PIP5K1B: variants seen among roughly 807,000 people sequenced by gnomAD.
PIP5K1B encodes the protein phosphatidylinositol-4-phosphate 5-kinase type 1 beta, also known as phosphatidylinositol 4-phosphate 5-kinase type-1 beta.
A neutral mutation model predicts 67.0 loss-of-function variants in PIP5K1B; 42 were observed. That is an observed-to-expected ratio of 0.63 (90% CI 0.49 to 0.81). The LOEUF is 0.81. Ranked by LOEUF, PIP5K1B falls within the 30% of genes least tolerant of loss-of-function variation. The pLI is 0.00. For synonymous variants in PIP5K1B, 214 were observed against 231.4 expected (o/e 0.92, Z 0.68); for missense variants, 459 against 646.3 (o/e 0.71, Z 3.14).
intron 1 of PIP5K1B, among the ~76,000 whole-genome samples, chr9:68,716,860 T>C (rs920780863): frequency 1.1e-4 from 17 of 152,168 alleles, no homozygotes; most frequent in African/African-American, 3.4e-4. Flanking sequence ...CAATGATGGA[T>C]TGGATGAAGA....
intron 2 of PIP5K1B, among the ~76,000 whole-genome samples, chr9:68,750,110 C>A (rs914806227): frequency 6.6e-6 from 1 of 152,228 alleles, no homozygotes; most frequent in East Asian, 1.9e-4. Flanking sequence ...GTATTTAATG[C>A]AGGAAAATGG....
In PIP5K1B at chr9:68,828,866, C is replaced by G. The variant is rs190250180; in HGVS notation, c.69+6183C>G. Among the ~76,000 whole-genome samples the G allele has an allele frequency of 7.8e-4, 118 of 152,214 alleles. 1 individual carries two copies. The highest frequency in any genetic ancestry group is 1.6e-3 in the Non-Finnish European group (106 of 68,014). ...CCTGTAATCCCAGCACTTCGGGAGGCCGAGATGGGTGGATCACCTGAGGTC... is the reference window on the plus strand; with the variant it reads ...CCTGTAATCCCAGCACTTCGGGAGGGCGAGATGGGTGGATCACCTGAGGTC... On this transcript the variant is annotated intron_variant, in intron 4 of 15. Transcript: ENST00000265382.
intron 11 of PIP5K1B, among the ~76,000 whole-genome samples, chr9:68,922,562 A>C (rs1826460317): frequency 6.6e-6 from 1 of 152,214 alleles, no homozygotes. Flanking sequence ...GCTTGGATAC[A>C]TGATTTGGAT....
intron 2 of PIP5K1B, among the ~76,000 whole-genome samples, chr9:68,807,125 G>T (rs1488040915): frequency 6.6e-6 from 1 of 152,082 alleles, no homozygotes; most frequent in Non-Finnish European, 1.5e-5. Flanking sequence ...TCTTTTGTGT[G>T]CCTTGAGAAC....
chr9:68,837,525 C>A (rs1834677638), intron 4 of PIP5K1B, among the ~76,000 whole-genome samples: 1 of 151,274 alleles, frequency 6.6e-6, no homozygotes, highest in Non-Finnish European at 1.5e-5. Context: ...GATTTGTAAG[C>A]ACTAATATAT....
At chr9:68,982,948 T>C (rs1467896882) in intron 14 of PIP5K1B, among the ~76,000 whole-genome samples, 1 of 152,170 alleles carries the variant, frequency 6.6e-6, no homozygotes, top group East Asian at 1.9e-4. Flanking sequence ...CTGCATACAG[T>C]TTATAGGTTC....
intron 4 of PIP5K1B, among the ~76,000 whole-genome samples, chr9:68,861,245 T>C (rs1015844418): frequency 2.9e-4 from 44 of 151,668 alleles, no homozygotes; most frequent in African/African-American, 9.4e-4. Context: ...AAAATCTTAC[T>C]CCTCAGGGAC....
chr9:68,915,255 A>C (rs1195280164), intron 8 of PIP5K1B, among the ~76,000 whole-genome samples: 1 of 151,944 alleles, frequency 6.6e-6, no homozygotes, highest in Non-Finnish European at 1.5e-5. Context: ...AAGCGCTAGC[A>C]CTGATAAATA....
intron 4 of PIP5K1B, 142 bp from the exon 5 acceptor site, chr9:68,863,695 C>T (rs554002655): frequency 6.1e-4 from 360 of 591,282 alleles, no homozygotes; most frequent in Non-Finnish European, 8.5e-4. Flanking sequence ...AAAGAAGCAA[C>T]TTATCATCTT....
At chr9:68,749,377 C>T (rs1287953012) in intron 2 of PIP5K1B, among the ~76,000 whole-genome samples, 2 of 152,056 alleles carry the variant, frequency 1.3e-5, no homozygotes, top group African/African-American at 2.4e-5. Context: ...CTGGAAGGGG[C>T]GAGGGACAGA....
chr9:68,709,873 G>C (rs1827301819), intron 1 of PIP5K1B, among the ~76,000 whole-genome samples: 1 of 152,302 alleles, frequency 6.6e-6, no homozygotes, highest in South Asian at 2.1e-4. Context: ...TCGCACCACT[G>C]TACTCTAGCC....
chr9:68,998,277 G>A (rs947585883), intron 15 of PIP5K1B, among the ~76,000 whole-genome samples: 10 of 151,940 alleles, frequency 6.6e-5, no homozygotes, highest in South Asian at 4.2e-4. Context: ...GGCTGGCCTC[G>A]AATTCGACCT....
chr9:68,750,309 C>T (rs1162273993), intron 2 of PIP5K1B, among the ~76,000 whole-genome samples: 2 of 152,214 alleles, frequency 1.3e-5, no homozygotes, highest in South Asian at 2.1e-4. Flanking sequence ...GATTTGTATG[C>T]GTAGATTGCC....
chr9:68,720,357 G>A (rs1322381521), intron 1 of PIP5K1B, among the ~76,000 whole-genome samples: 4 of 151,928 alleles, frequency 2.6e-5, no homozygotes, highest in Admixed American at 6.6e-5. Flanking sequence ...ATAACCCCAC[G>A]CCCCATGGTC....
At chr9:68,922,460 C>CGAAAAAAAAGAAAAAA (rs1826452894) in intron 11 of PIP5K1B, among the ~76,000 whole-genome samples, 2 of 128,258 alleles carry the variant, frequency 1.6e-5, no homozygotes, top group African/African-American at 5.7e-5. Flanking sequence ...GACTCTGTCT[C>CGAAAAAAAAGAAAAAA]AAAAAAAAAG....
At chr9:68,877,494 G>A (rs1823956379) in intron 6 of PIP5K1B, among the ~76,000 whole-genome samples, 1 of 152,168 alleles carries the variant, frequency 6.6e-6, no homozygotes, top group Admixed American at 6.5e-5. Flanking sequence ...CACCCTGGGG[G>A]CTCCTCAGAA....
chr9:68,979,933 C>CTCTGAAA (rs1023944045), intron 14 of PIP5K1B, among the ~76,000 whole-genome samples: 1 of 152,228 alleles, frequency 6.6e-6, no homozygotes, highest in African/African-American at 2.4e-5. Flanking sequence ...ACAAGCAGAT[C>CTCTGAAA]TCTGAAAGCC....
chr9:68,850,772 A>C (rs1822442753), intron 4 of PIP5K1B, among the ~76,000 whole-genome samples: 1 of 152,212 alleles, frequency 6.6e-6, no homozygotes, highest in Non-Finnish European at 1.5e-5. Flanking sequence ...TATTGAATCT[A>C]AATTGATATT....
rs146184602 is a variant in PIP5K1B, at chr9:68,921,020, T to C, written c.1116+1291T>C. Among the ~76,000 whole-genome samples, 460 of 152,312 alleles carry C rather than the reference T, an allele frequency of 3.0e-3. 2 individuals carry two copies. The highest frequency in any genetic ancestry group is 0.01 in the African/African-American group (426 of 41,572). On this transcript the variant is annotated intron_variant, in intron 11 of 15. Transcript: ENST00000265382. ...AATTATAGATGATCTTCTTCTTCTTTCTTGGAAAGGAGCCCATAATTTCTC... is the reference window on the plus strand; with the variant it reads ...AATTATAGATGATCTTCTTCTTCTTCCTTGGAAAGGAGCCCATAATTTCTC...
Sources: gnomAD v4.1 joint callset for allele counts (sites outside exome capture counted in the v4.1 genomes callset) on GRCh38, gnomAD v4.1.1 for gene constraint, MANE v1.5 for transcripts, NCBI Gene and HGNC (gene_info 2026-07-23, HGNC 2026-07-21) for gene names.